KCNH7: variants seen among roughly 807,000 people sequenced by gnomAD.
KCNH7 encodes the protein voltage-gated inwardly rectifying potassium channel KCNH7.
In KCNH7, 49 loss-of-function variants were observed where a neutral mutation model predicts 120.8. That is an observed-to-expected ratio of 0.41 (90% CI 0.32 to 0.51). The LOEUF is 0.51. Ranked by LOEUF, KCNH7 falls within the 20% of genes least tolerant of loss-of-function variation. The pLI is 0.38. For synonymous variants in KCNH7, 547 were observed against 516.1 expected (o/e 1.06, Z -0.81); for missense variants, 1,097 against 1,446.6 (o/e 0.76, Z 3.92).
At chr2:162,536,051 A>G (rs1481821471) in intron 3 of KCNH7, among the ~76,000 whole-genome samples, 1 of 151,878 alleles carries the variant, frequency 6.6e-6, no homozygotes, top group Non-Finnish European at 1.5e-5. Flanking sequence ...GAAATCATAC[A>G]AGTTCCGGGG....
At chr2:162,746,663 T>C (rs1158900349) in intron 2 of KCNH7, among the ~76,000 whole-genome samples, 2 of 152,154 alleles carry the variant, frequency 1.3e-5, no homozygotes, top group East Asian at 1.9e-4. Flanking sequence ...AAATCAGATA[T>C]GGAAATTCAA....
At chr2:162,689,863 C>T (rs1163308520) in intron 2 of KCNH7, among the ~76,000 whole-genome samples, 1 of 152,124 alleles carries the variant, frequency 6.6e-6, no homozygotes, top group Admixed American at 6.6e-5. Flanking sequence ...ATCTAGCAAT[C>T]CCATTACTGG....
chr2:162,490,561 C>T (rs1289678154), intron 6 of KCNH7, among the ~76,000 whole-genome samples: 3 of 152,078 alleles, frequency 2.0e-5, no homozygotes. Context: ...GACCCAAAAC[C>T]TTTCACTTTC....
intron 2 of KCNH7, among the ~76,000 whole-genome samples, chr2:162,572,147 T>C (rs1693502132): frequency 6.6e-6 from 1 of 151,988 alleles, no homozygotes; most frequent in Non-Finnish European, 1.5e-5. Flanking sequence ...AACCTACTCA[T>C]CTGACAAAGG....
intron 6 of KCNH7, among the ~76,000 whole-genome samples, chr2:162,488,719 A>G (rs1690190053): frequency 6.6e-6 from 1 of 152,188 alleles, no homozygotes; most frequent in Admixed American, 6.5e-5. Context: ...GCCCCACTGC[A>G]CTGTTTTGCA....
chr2:162,776,321 C>T (rs1683235788), intron 2 of KCNH7, among the ~76,000 whole-genome samples: 1 of 152,090 alleles, frequency 6.6e-6, no homozygotes, highest in South Asian at 2.1e-4. Flanking sequence ...CAATCATTGG[C>T]CAATACAAAC....
chr2:162,630,440 C>G (rs766159699), intron 2 of KCNH7, among the ~76,000 whole-genome samples: 1 of 149,740 alleles, frequency 6.7e-6, no homozygotes, highest in Non-Finnish European at 1.5e-5. Context: ...CCAATAGATG[C>G]GGGAAGAAGA....
At chr2:162,535,976 A>C (rs1048024085) in intron 3 of KCNH7, among the ~76,000 whole-genome samples, 1 of 151,822 alleles carries the variant, frequency 6.6e-6, no homozygotes, top group Admixed American at 6.6e-5. Context: ...AACAAGATAA[A>C]TTAACTGTAT....
intron 2 of KCNH7, among the ~76,000 whole-genome samples, chr2:162,806,983 CAATAGA>C (rs1684560506): frequency 6.6e-6 from 1 of 150,842 alleles, no homozygotes; most frequent in African/African-American, 2.4e-5. Context: ...GGAAATCCAA[CAATAGA>C]AATAGAAACT....
chr2:162,533,234 C>T (rs1270540348), intron 3 of KCNH7, among the ~76,000 whole-genome samples: 1 of 151,408 alleles, frequency 6.6e-6, no homozygotes, highest in Non-Finnish European at 1.5e-5. Flanking sequence ...TTTAAAAGGG[C>T]AAAGAAAAGA....
intron 9 of KCNH7, among the ~76,000 whole-genome samples, chr2:162,422,563 C>T (rs12469119): frequency 6.6e-6 from 1 of 151,844 alleles, no homozygotes; most frequent in East Asian, 1.9e-4. Flanking sequence ...GCCTTTAGAG[C>T]CAAATTGCAA....
intron 2 of KCNH7, among the ~76,000 whole-genome samples, chr2:162,555,221 C>T (rs55935138): frequency 0.048 from 7,226 of 152,124 alleles, 341 homozygotes; most frequent in East Asian, 0.1. Context: ...AAATTAAGAC[C>T]AGGGGCTAAG....
rs150077860 is a variant in KCNH7 at position 162,673,093 on chromosome 2, T to A, written c.308-136013A>T. ...ATGCAACCAAGAATGTTTACAATTCTACCAAACTTTAAAATAGCTGATATT... is the reference window on the plus strand; with the variant it reads ...ATGCAACCAAGAATGTTTACAATTCAACCAAACTTTAAAATAGCTGATATT... On this transcript the variant is annotated intron_variant, in intron 2 of 15. Transcript: ENST00000332142. Among the ~76,000 whole-genome samples the A allele has an allele frequency of 8.2e-3, 1,246 of 152,180 alleles. 15 individuals carry two copies. The highest frequency in any genetic ancestry group is 0.028 in the African/African-American group (1,165 of 41,574).
chr2:162,511,093 T>C (rs1324164791), intron 5 of KCNH7, among the ~76,000 whole-genome samples: 1 of 151,686 alleles, frequency 6.6e-6, no homozygotes, highest in Non-Finnish European at 1.5e-5. Flanking sequence ...ATCTATGTAA[T>C]AAATAAAGAA....
chr2:162,491,328 C>G (rs776249976), intron 6 of KCNH7, among the ~76,000 whole-genome samples: 6 of 152,192 alleles, frequency 3.9e-5, no homozygotes, highest in Non-Finnish European at 8.8e-5. Flanking sequence ...TAACACAGCC[C>G]TGCGGATATG....
chr2:162,714,245 C>T (rs532407297), intron 2 of KCNH7, among the ~76,000 whole-genome samples: 5 of 152,242 alleles, frequency 3.3e-5, no homozygotes, highest in South Asian at 4.1e-4. Flanking sequence ...AGAATTGACA[C>T]GTGCTTCCAG....
intron 2 of KCNH7, among the ~76,000 whole-genome samples, chr2:162,577,140 G>C (rs1693697167): frequency 6.6e-6 from 1 of 151,782 alleles, no homozygotes; most frequent in African/African-American, 2.4e-5. Context: ...GGCTGTTCCT[G>C]AACTTCTGGC....
At chr2:162,760,895 G>A (rs1382522332) in intron 2 of KCNH7, among the ~76,000 whole-genome samples, 1 of 152,010 alleles carries the variant, frequency 6.6e-6, no homozygotes, top group East Asian at 1.9e-4. Context: ...TCCGCACAAG[G>A]TATTATTCTT....
At position 162,435,244 on chromosome 2, in the gene KCNH7, G is replaced by A. The variant is rs201078042; in HGVS notation, c.1908C>T (p.Asn636=). 7 of 1,613,554 alleles carry A rather than the reference G, an allele frequency of 4.3e-6. No individual in the cohort carries two copies. The highest frequency in any genetic ancestry group is 5.9e-6 in the Non-Finnish European group (7 of 1,179,684). The change falls in exon 8 of 16, where the codon AAC becomes AAT. Residue 636 remains asparagine, a synonymous_variant. Coordinates refer to ENST00000332142, the MANE Select transcript of KCNH7 (RefSeq NM_033272.4). Reference sequence around the variant, plus strand: ...TTGAAAAGATTTTCTCCGAATTCGTGTTAGGAGACACATTCCCGAATCCTA... The same window carrying A: ...TTGAAAAGATTTTCTCCGAATTCGTATTAGGAGACACATTCCCGAATCCTA... ...TSVGFGNVSP[N]TNSEKIFSIC... is the part of the protein sequence containing the mutation.
Sources: allele counts gnomAD v4.1 joint callset (sites outside exome capture counted in the v4.1 genomes callset), GRCh38; gene constraint gnomAD v4.1.1; transcripts MANE v1.5; gene names NCBI Gene and HGNC (gene_info 2026-07-23, HGNC 2026-07-21).